Variants in CD109 observed in about 807,000 individuals in gnomAD.
CD109 encodes CD109 antigen.
Under a neutral mutation model 165.8 loss-of-function variants are expected in CD109, and 149 were observed. The ratio of observed to expected loss-of-function variants is 0.90; its 90% CI spans 0.79 to 1.03. CD109 has a LOEUF of 1.03. Among genes scored for constraint, CD109 ranks in the 50% least tolerant of loss-of-function variants. CD109 has a pLI of 0.00. For synonymous variants in CD109, 585 were observed against 592.1 expected (o/e 0.99, Z 0.18); for missense variants, 1,712 against 1,677.8 (o/e 1.02, Z -0.36).
rs889938473 is a variant in CD109 at position 73,707,101 on chromosome 6, G to C, written c.247+9529G>C. Among the ~76,000 whole-genome samples, 3 of 152,174 alleles carry C rather than the reference G, an allele frequency of 2.0e-5. No homozygotes were observed. The East Asian group carries it at 5.8e-4, about 29-fold the overall frequency. On this transcript the variant is annotated intron_variant, in intron 2 of 32. Coordinates refer to ENST00000287097, the MANE Select transcript of CD109 (RefSeq NM_133493.5). The stretch of plus-strand genomic sequence containing the variant: ...GGCTTCATTTGATGTGTCCTCCCAC[G>C]TTGATTATAGAGGCTTGTTCGGGTG...
chr6:73,762,340 AT>A (rs1562052168), intron 7 of CD109, 43 bp from the exon 8 acceptor site: 1 of 1,171,590 alleles, frequency 8.5e-7, no homozygotes, highest in Non-Finnish European at 1.3e-6. Flanking sequence ...TGTTCTGACA[AT>A]ATCAAGTTGA....
At chr6:73,736,694 A>G (rs1772558439) in intron 5 of CD109, among the ~76,000 whole-genome samples, 186 bp downstream of exon 5, 1 of 152,194 alleles carries the variant, frequency 6.6e-6, no homozygotes, top group African/African-American at 2.4e-5. Flanking sequence ...ATTCTAACAT[A>G]TTAGAATTTT....
In CD109 at chr6:73,741,733, C is replaced by T. The variant is rs144721940; in HGVS notation, c.633+5225C>T. Among the ~76,000 whole-genome samples the T allele has an allele frequency of 1.3e-4, 20 of 152,184 alleles. No homozygotes were observed. The East Asian group carries it at 3.9e-3, about 29-fold the overall frequency. ...GTTGACCAGTCTGGAGTGCAGTGTGCAATCTCAGCTCATTGCAACCTCCAC... is the reference window on the plus strand; with the variant it reads ...GTTGACCAGTCTGGAGTGCAGTGTGTAATCTCAGCTCATTGCAACCTCCAC... On this transcript the variant is annotated intron_variant, in intron 5 of 32. Coordinates refer to ENST00000287097, the MANE Select transcript of CD109 (RefSeq NM_133493.5).
chr6:73,762,497 CT>C lies in CD109; in HGVS notation c.855+20del. On this transcript the variant is annotated intron_variant, in intron 8 of 32. Coordinates refer to ENST00000287097, the MANE Select transcript of CD109 (RefSeq NM_133493.5). ...ACATTTAAGGTAACTTTTGCAGACA[CT>C]TTATAACTTGTGATGGGTAAAATAT... is the stretch of plus-strand genomic sequence containing the variant. 6.8e-7 allele frequency: 1 copy of C among 1,471,850 alleles called. No homozygotes were observed. The highest frequency in any genetic ancestry group is 9.5e-7 in the Non-Finnish European group (1 of 1,053,416). The allele number at this position is 1,471,850 out of a possible 1,614,324, so 91.2% of individuals were successfully genotyped here.
intron 4 of CD109, among the ~76,000 whole-genome samples, chr6:73,733,893 A>G (rs1772453029): frequency 6.7e-6 from 1 of 150,352 alleles, no homozygotes; most frequent in Non-Finnish European, 1.5e-5. Flanking sequence ...ACTGCTTGAG[A>G]CAATCAGGTA....
intron 2 of CD109, among the ~76,000 whole-genome samples, chr6:73,708,465 G>T (rs1771390546): frequency 6.6e-6 from 1 of 152,190 alleles, no homozygotes; most frequent in South Asian, 2.1e-4. Context: ...ACATACGTGT[G>T]CATGTGTCTT....
chr6:73,747,593 C>T (rs1341022346), intron 5 of CD109, among the ~76,000 whole-genome samples: 1 of 152,140 alleles, frequency 6.6e-6, no homozygotes, highest in Non-Finnish European at 1.5e-5. Flanking sequence ...AGAACCTATA[C>T]CTCTGAGTTC....
At chr6:73,731,938 G>C (rs1481970805) in intron 4 of CD109, among the ~76,000 whole-genome samples, 2 of 152,188 alleles carry the variant, frequency 1.3e-5, no homozygotes, top group Admixed American at 6.5e-5. Context: ...TTTTGTCTCT[G>C]CTGCTTAATA....
In CD109 at chr6:73,780,897, A is replaced by AGT. The variant is rs10629004; in HGVS notation, c.1903-351_1903-350dup. 6.7e-3 allele frequency among the ~76,000 whole-genome samples: 379 copies of AGT among 56,328 alleles called. 112 individuals carry two copies. The highest frequency in any genetic ancestry group is 0.027 in the African/African-American group (306 of 11,488). The allele number at this position is 56,328 out of a possible 152,430, so 37.0% of individuals were successfully genotyped here. On this transcript the variant is annotated intron_variant, in intron 16 of 32. Transcript: ENST00000287097. ...GACTTTGAAATGGCTCTTATGCATG[A>AGT]GTGTGTGTGTGTATGTGTGTGTGTG... is the stretch of plus-strand genomic sequence containing the variant.
intron 20 of CD109, among the ~76,000 whole-genome samples, 159 bp from the exon 21 acceptor site, chr6:73,787,075 T>C (rs1774724272): frequency 6.6e-6 from 1 of 152,202 alleles, no homozygotes; most frequent in East Asian, 1.9e-4. Flanking sequence ...ATGAAGTTTT[T>C]CCTGATACTC....
intron 5 of CD109, among the ~76,000 whole-genome samples, chr6:73,756,385 C>T (rs542674083): frequency 1.3e-5 from 2 of 151,916 alleles, no homozygotes; most frequent in East Asian, 1.9e-4. Context: ...TTAAATGACC[C>T]GCAATGAATT....
intron 2 of CD109, among the ~76,000 whole-genome samples, chr6:73,699,165 ATAATACT>A (rs1770965255): frequency 6.6e-6 from 1 of 152,220 alleles, no homozygotes; most frequent in Non-Finnish European, 1.5e-5. Context: ...ATCACAGGAC[ATAATACT>A]TAAGGTAGTT....
chr6:73,791,188 CAT>C (rs1247257626), intron 22 of CD109, among the ~76,000 whole-genome samples: 2,849 of 19,108 alleles, frequency 0.15, 146 homozygotes, highest in South Asian at 0.19. Context: ...CACACACACA[CAT>C]ACATATATAT....
chr6:73,758,826 A>G (rs1773501117), intron 6 of CD109, 118 bp from the exon 7 acceptor site: 1 of 675,970 alleles, frequency 1.5e-6, no homozygotes, highest in South Asian at 1.7e-5. Flanking sequence ...CTTCACAACA[A>G]TTTTATTTTT....
chr6:73,713,899 T>C (rs572012356), intron 2 of CD109, among the ~76,000 whole-genome samples: 1 of 152,236 alleles, frequency 6.6e-6, no homozygotes, highest in Admixed American at 6.5e-5. Flanking sequence ...TGTCATTGGA[T>C]AAAAATAAAT....
intron 26 of CD109, among the ~76,000 whole-genome samples, chr6:73,808,977 A>T (rs1210654225): frequency 6.6e-6 from 1 of 152,146 alleles, no homozygotes; most frequent in African/African-American, 2.4e-5. Context: ...ATATTGTATT[A>T]ACAGTAACTT....
intron 23 of CD109, among the ~76,000 whole-genome samples, chr6:73,802,860 C>T (rs1320277653): frequency 3.9e-5 from 6 of 151,912 alleles, no homozygotes; most frequent in Middle Eastern, 3.2e-3. Context: ...CCACCATGCC[C>T]GGCTACTTTT....
intron 32 of CD109, among the ~76,000 whole-genome samples, chr6:73,821,002 T>TC (rs1005888437): frequency 1.8e-4 from 27 of 152,248 alleles, no homozygotes; most frequent in African/African-American, 6.5e-4. Flanking sequence ...TGAGTTCATG[T>TC]CCTTTGTAGG....
chr6:73,782,709 C>T lies in CD109; in HGVS notation c.2059C>T (p.Arg687Ter), dbSNP rs544579659. 45 of 1,613,754 alleles carry T rather than the reference C, an allele frequency of 2.8e-5. No individual in the cohort carries two copies. The highest frequency in any genetic ancestry group is 1.6e-4 in the South Asian group (15 of 91,022). ...TTCTTTGGGTAGCAGTCCACATGTC[C>T]GAAAGCATTTTCCAGAGACTTGGAT... ...DFSLGSSPHV[R>*]KHFPETWIWL... Residue 687 changes from arginine to a stop codon, truncating the protein, a stop_gained, in exon 18 of 33, where the codon CGA becomes TGA. Transcript: ENST00000287097. LOFTEE classifies it high-confidence loss of function.
Sources: allele counts gnomAD v4.1 joint callset (sites outside exome capture counted in the v4.1 genomes callset), GRCh38; gene constraint gnomAD v4.1.1; transcripts MANE v1.5; gene names NCBI Gene and HGNC (gene_info 2026-07-23, HGNC 2026-07-21).